NIPBL: variants seen among roughly 807,000 people sequenced by gnomAD.
The protein encoded by NIPBL is NIPBL cohesin loading factor.
NIPBL carries 19 observed loss-of-function variants against 321.8 expected under a neutral mutation model. That is an observed-to-expected ratio of 0.06 (90% CI 0.04 to 0.09). The LOEUF (loss-of-function observed/expected upper bound fraction) is 0.09. NIPBL is among the 10% of genes least tolerant of loss of function. The probability of loss-of-function intolerance (pLI) is 1.00; values close to 1 mark genes in which losing one functional copy is unlikely to be tolerated. For missense variants in NIPBL, 2,210 were observed against 3,327.0 expected, an observed-to-expected ratio of 0.66 and a Z score of 8.26; for synonymous variants, 1,106 against 1,114.1, an observed-to-expected ratio of 0.99 and a Z score of 0.14.
intron 1 of NIPBL, among the ~76,000 whole-genome samples, chr5:36,879,508 A>G (rs905534451): frequency 2.0e-5 from 3 of 152,202 alleles, no homozygotes; most frequent in Non-Finnish European, 4.4e-5. Flanking sequence ...GTAAAATTCA[A>G]ATTGTAAAAT....
chr5:36,917,334 G>A (rs1040301286), intron 1 of NIPBL, among the ~76,000 whole-genome samples: 1 of 152,022 alleles, frequency 6.6e-6, no homozygotes, highest in Non-Finnish European at 1.5e-5. Context: ...CTTTTTGATG[G>A]GGTTGTTTTT....
rs908453778 is a variant in NIPBL, at chr5:37,039,653, C to T, written c.6108+915C>T. On this transcript the variant is annotated intron_variant, in intron 34 of 46. Transcript: ENST00000282516. ...ACTTAACAAATATAAAGGTTTCTCA[C>T]ATACTGTGTTCCTAATGTTCCTAAG... Among the ~76,000 whole-genome samples the T allele has an allele frequency of 1.3e-5, 2 of 152,100 alleles. 1 individual carries two copies. Among genetic ancestry groups the T allele is most frequent in the South Asian group, 4.1e-4 (2 of 4,826 alleles).
At position 36,886,183 on chromosome 5, in the gene NIPBL, G is replaced by A. The variant is rs986662998; in HGVS notation, c.-80+9005G>A. On this transcript the variant is annotated intron_variant, in intron 1 of 46. Transcript: ENST00000282516. ...GCTTCTGGAGAACAGCCTGAGGGAGGTGGAGACCTGCTATGCCCTGCAGGT... is the reference window on the plus strand; with the variant it reads ...GCTTCTGGAGAACAGCCTGAGGGAGATGGAGACCTGCTATGCCCTGCAGGT... 4 of 647,650 alleles carry A rather than the reference G, an allele frequency of 6.2e-6. No individual in the cohort carries two copies. The African/African-American group carries it at 7.2e-5, about 12-fold the overall frequency. 40.1% of individuals were successfully genotyped at this position (647,650 alleles called of 1,614,324 possible).
In NIPBL at chr5:37,059,082, C is replaced by A. The variant is rs398124472; in HGVS notation, c.7602C>A (p.Ile2534=). 5 of 1,614,080 alleles carry A rather than the reference C, an allele frequency of 3.1e-6. No individual in the cohort carries two copies. Among genetic ancestry groups the A allele is most frequent in the Non-Finnish European group, 2.5e-6 (3 of 1,179,954 alleles). ...TGCCAGAAAATTCAGCTCCTTTAAT[C>A]GAATTTGCAAATGTGTCCCAGGGTA... The part of the protein sequence containing the change: ...KCLPENSAPL[I]EFANVSQGIL... The change falls in exon 44 of 47, where the codon ATC becomes ATA. Residue 2534 remains isoleucine (I), a synonymous_variant. Coordinates refer to ENST00000282516, the MANE Select transcript of NIPBL (RefSeq NM_133433.4).
chr5:37,063,154 C>CA (rs1359172908), intron 45 of NIPBL, among the ~76,000 whole-genome samples: 1 of 152,080 alleles, frequency 6.6e-6, no homozygotes, highest in Non-Finnish European at 1.5e-5. Flanking sequence ...GTTTGGCCAA[C>CA]ATTGCAAAAC....
At chr5:36,992,765 TG>T (rs1745690181) in intron 10 of NIPBL, among the ~76,000 whole-genome samples, 2 of 148,878 alleles carry the variant, frequency 1.3e-5, no homozygotes, top group South Asian at 4.3e-4. Context: ...TTTATTGAGA[TG>T]GAGTCTCGCT....
Position 36,985,620 on chromosome 5 carries a change from C to A in NIPBL, c.2440C>A (p.Leu814Ile), listed in dbSNP as rs1470764858. 1 of 1,613,790 alleles carries A rather than the reference C, an allele frequency of 6.2e-7. No homozygotes were observed. Among genetic ancestry groups the A allele is most frequent in the East Asian group, 2.2e-5 (1 of 44,894 alleles). Residue 814 changes from leucine to isoleucine, a missense_variant, in exon 10 of 47, where the codon CTA (leucine) becomes ATA (isoleucine). By Grantham distance (5) the Leu-to-Ile change is conservative. Coordinates refer to ENST00000282516, the MANE Select transcript of NIPBL (RefSeq NM_133433.4). ...RPDGRSVSESLRRDHDNKQKS... is the reference protein window; with the variant it reads ...RPDGRSVSESIRRDHDNKQKS... ...TGATGGGCGATCTGTTTCTGAGTCA[C>A]TAAGACGTGACCATGATAATAAACA...
chr5:37,053,583 A>T (rs889897889), intron 42 of NIPBL, among the ~76,000 whole-genome samples: 3 of 152,208 alleles, frequency 2.0e-5, no homozygotes, highest in Admixed American at 1.3e-4. Context: ...GTTGTAGTTT[A>T]CTCACCTATT....
chr5:36,923,430 T>C (rs1749109458), intron 1 of NIPBL, among the ~76,000 whole-genome samples: 1 of 152,214 alleles, frequency 6.6e-6, no homozygotes. Flanking sequence ...TATCTTGATA[T>C]CTCTTGATCT....
At chr5:36,953,512 TG>T in intron 1 of NIPBL, 105 bp from the exon 2 acceptor site, 1 of 621,472 alleles carries the variant, frequency 1.6e-6, no homozygotes, top group Admixed American at 2.8e-5. Context: ...TTATATAGGT[TG>T]AACAAACCAA....
At chr5:37,023,774 T>G (rs1580504409) in intron 29 of NIPBL, among the ~76,000 whole-genome samples, 1 of 147,308 alleles carries the variant, frequency 6.8e-6, no homozygotes. Flanking sequence ...TTTTTTTTTT[T>G]TACATCCCAT....
Position 37,010,318 on chromosome 5 carries a change from T to A in NIPBL, c.4560+93T>A, listed in dbSNP as rs566791695. 1.9e-5 allele frequency: 22 copies of A among 1,140,318 alleles called. No homozygotes were observed. The South Asian group carries it at 2.5e-4, about 13-fold the overall frequency. The allele number at this position is 1,140,318 out of a possible 1,614,324, so 70.6% of individuals were successfully genotyped here. On this transcript the variant is annotated intron_variant, in intron 21 of 46. Coordinates refer to ENST00000282516, the MANE Select transcript of NIPBL (RefSeq NM_133433.4). The stretch of plus-strand genomic sequence containing the variant: ...TCTTATAAAACTGAAGTTCTTTTTT[T>A]TTCTTTCTTTTTTTTGAGACGGAGT...
At chr5:37,024,105 C>T (rs1262378930) in intron 29 of NIPBL, among the ~76,000 whole-genome samples, 3 of 151,448 alleles carry the variant, frequency 2.0e-5, no homozygotes, top group African/African-American at 7.3e-5. Flanking sequence ...GCAGAGGTTG[C>T]AGTGAGCTGA....
At chr5:36,989,946 GTT>G (rs535095983) in intron 10 of NIPBL, among the ~76,000 whole-genome samples, 131 of 140,936 alleles carry the variant, frequency 9.3e-4, no homozygotes, top group African/African-American at 3.2e-3. Context: ...TGATTTTGTT[GTT>G]TTTTTTTTTA....
At chr5:37,043,842 A>G (rs139732620) in intron 34 of NIPBL, among the ~76,000 whole-genome samples, 1 of 152,334 alleles carries the variant, frequency 6.6e-6, no homozygotes, top group East Asian at 1.9e-4. Flanking sequence ...TGTGCATTGC[A>G]GGTTGTTAAG....
intron 9 of NIPBL, among the ~76,000 whole-genome samples, chr5:36,978,173 A>T (rs1223462298): frequency 6.6e-6 from 1 of 152,028 alleles, no homozygotes; most frequent in African/African-American, 2.4e-5. Context: ...TTCTTTGAGA[A>T]ATCTCCATAC....
Position 37,064,578 on chromosome 5 carries a change from A to G in NIPBL, c.8101A>G (p.Met2701Val). 1.2e-6 allele frequency: 2 copies of G among 1,614,198 alleles called. No individual in the cohort carries two copies. Among genetic ancestry groups the G allele is most frequent in the South Asian group, 1.1e-5 (1 of 91,086 alleles). ...AGACTCTACGGAGTTGGCAGCACAG[A>G]TGAATGAAAGTGTTGACGTCATGGA... ...NSDSTELAAQ[M>V]NESVDVMDVI... Residue 2701 changes from methionine (M) to valine (V), a missense_variant, in exon 47 of 47, where the codon ATG becomes GTG. This residue lies in a region of NIPBL where 159 missense variants were observed against 319.2 expected (regional missense o/e 0.50). Coordinates refer to ENST00000282516, the MANE Select transcript of NIPBL (RefSeq NM_133433.4).
At chr5:37,050,168 A>G (rs916265113) in intron 40 of NIPBL, among the ~76,000 whole-genome samples, 13 of 151,420 alleles carry the variant, frequency 8.6e-5, no homozygotes, top group Middle Eastern at 3.4e-3. Flanking sequence ...TTTTTTTTTT[A>G]ATTTCACACA....
At position 37,027,401 on chromosome 5, in the gene NIPBL, C is replaced by T. The variant is rs1750409260; in HGVS notation, c.5851C>T (p.Leu1951=). Residue 1951 remains leucine (L), a synonymous_variant, in exon 32 of 47, where the codon CTG becomes TTG. Transcript: ENST00000282516. The part of the protein sequence containing the change: ...RDTGYDWFEQ[L]LQNLLKSEED... ...TACTGGATATGACTGGTTTGAGCAA[C>T]TGCTTCAAAACGTGAGTGTTCTTTT... 2 of 1,612,420 alleles carry T rather than the reference C, an allele frequency of 1.2e-6. No homozygotes were observed. Among genetic ancestry groups the T allele is most frequent in the East Asian group, 2.2e-5 (1 of 44,826 alleles).
Sources: allele counts gnomAD v4.1 joint callset (sites outside exome capture counted in the v4.1 genomes callset), GRCh38; gene constraint gnomAD v4.1.1; regional missense constraint gnomAD v4.1.1; transcripts MANE v1.5; gene names NCBI Gene and HGNC (gene_info 2026-07-23, HGNC 2026-07-21).